The following PARVA variants were observed in gnomAD, a reference collection of about 807,000 sequenced individuals.
PARVA encodes alpha-parvin.
PARVA carries 25 observed loss-of-function variants against 52.6 expected under a neutral mutation model. The ratio of observed to expected loss-of-function variants is 0.48; its 90% CI spans 0.35 to 0.66. The LOEUF is 0.66. Ranked by LOEUF, PARVA falls within the 30% of genes least tolerant of loss-of-function variation. The pLI, the probability that PARVA is intolerant of heterozygous loss-of-function variation, is 0.01. For missense variants in PARVA, 373 were observed against 450.9 expected (o/e 0.83, Z 1.56); for synonymous variants, 185 against 179.1 (o/e 1.03, Z -0.26).
chr11:12,414,584 C>G (rs547424501), intron 1 of PARVA, among the ~76,000 whole-genome samples: 6 of 151,532 alleles, frequency 4.0e-5, no homozygotes, highest in East Asian at 1.9e-4. Context: ...GCACCATGAT[C>G]TGACTTGGTA....
chr11:12,503,882 A>G (rs945979631), intron 5 of PARVA, among the ~76,000 whole-genome samples: 3 of 152,180 alleles, frequency 2.0e-5, no homozygotes, highest in Admixed American at 6.5e-5. Context: ...AGGCTGGGTA[A>G]TTTATAAATA....
At chr11:12,513,646 G>T in intron 9 of PARVA, 1 of 615,908 alleles carries the variant, frequency 1.6e-6, no homozygotes, top group Non-Finnish European at 3.0e-6. Flanking sequence ...TGTCTCCCTG[G>T]CCTAGGCACC....
At chr11:12,527,153 T>C (rs1345026169) in intron 12 of PARVA, among the ~76,000 whole-genome samples, 1 of 152,228 alleles carries the variant, frequency 6.6e-6, no homozygotes, top group African/African-American at 2.4e-5. Flanking sequence ...TACACTAAAC[T>C]TTCCACATGG....
intron 1 of PARVA, among the ~76,000 whole-genome samples, chr11:12,473,218 G>A (rs1940956808): frequency 6.6e-6 from 1 of 152,176 alleles, no homozygotes; most frequent in African/African-American, 2.4e-5. Flanking sequence ...GGCTGGGGTT[G>A]GGTGGAGGTG....
intron 1 of PARVA, among the ~76,000 whole-genome samples, chr11:12,417,410 T>C: frequency 6.6e-6 from 1 of 152,312 alleles, no homozygotes; most frequent in African/African-American, 2.4e-5. Flanking sequence ...TTAAAAACAG[T>C]ATTTATATAT....
At chr11:12,422,108 T>C (rs1225516926) in intron 1 of PARVA, among the ~76,000 whole-genome samples, 1 of 152,258 alleles carries the variant, frequency 6.6e-6, no homozygotes, top group Non-Finnish European at 1.5e-5. Context: ...TTTTCCTAAC[T>C]TAAAATTGTT....
intron 5 of PARVA, among the ~76,000 whole-genome samples, chr11:12,503,881 A>G (rs576580389): frequency 1.3e-5 from 2 of 152,314 alleles, no homozygotes; most frequent in East Asian, 3.9e-4. Flanking sequence ...GAGGCTGGGT[A>G]ATTTATAAAT....
At position 12,527,989 on chromosome 11, in the gene PARVA, G is replaced by T; in HGVS notation, c.*64G>T. On this transcript the variant is annotated 3_prime_UTR_variant, in exon 13 of 13. Coordinates refer to ENST00000334956, the MANE Select transcript of PARVA (RefSeq NM_018222.5). Reference sequence around the variant, plus strand: ...CTGTTGGCGTACTGGACCCTCCTCCGAACTGCCTTACCCTGCTTATTCCTG... The same window carrying T: ...CTGTTGGCGTACTGGACCCTCCTCCTAACTGCCTTACCCTGCTTATTCCTG... The T allele has an allele frequency of 3.5e-6, 4 of 1,140,280 alleles. No individual in the cohort carries two copies. Among genetic ancestry groups the T allele is most frequent in the Non-Finnish European group, 5.3e-6 (4 of 749,168 alleles). 70.6% of individuals were successfully genotyped at this position (1,140,280 alleles called of 1,614,324 possible). A position where few individuals can be genotyped will look rare whatever the true frequency, so the allele number is the denominator to read the frequency against.
chr11:12,487,805 G>A (rs1031446919), intron 4 of PARVA, among the ~76,000 whole-genome samples: 2 of 152,158 alleles, frequency 1.3e-5, no homozygotes, highest in Non-Finnish European at 2.9e-5. Flanking sequence ...GGTAGAGAAC[G>A]ACTGTGTGTG....
chr11:12,502,195 G>A (rs1941371055), intron 5 of PARVA, among the ~76,000 whole-genome samples: 1 of 152,134 alleles, frequency 6.6e-6, no homozygotes, highest in Admixed American at 6.5e-5. Context: ...TTCTGTTTGT[G>A]GTGATGGTGA....
rs1252891423 is a variant in PARVA at position 12,388,721 on chromosome 11, A to T, written c.136+10938A>T. Among the ~76,000 whole-genome samples, 4 of 151,738 alleles carry T rather than the reference A, an allele frequency of 2.6e-5. No individual in the cohort carries two copies. In the East Asian group the frequency reaches 7.7e-4, roughly 29 times the overall value. On this transcript the variant is annotated intron_variant, in intron 1 of 12. Transcript: ENST00000334956. ...TTTTCTTTTTTAGTATTGTGAGTAT[A>T]CTATGTATGTTGTAAAGATAAGTTT...
At chr11:12,488,655 A>G (rs937094547) in intron 4 of PARVA, among the ~76,000 whole-genome samples, 3 of 152,230 alleles carry the variant, frequency 2.0e-5, no homozygotes, top group Non-Finnish European at 4.4e-5. Flanking sequence ...AGGATAAATT[A>G]TCTTAGCCTT....
At chr11:12,453,012 C>T (rs553289578) in intron 1 of PARVA, 26 of 456,404 alleles carry the variant, frequency 5.7e-5, no homozygotes, top group East Asian at 5.6e-4. Flanking sequence ...CCATGGGCTG[C>T]GGGGCACTTT....
chr11:12,395,056 A>C (rs1939718955), intron 1 of PARVA, among the ~76,000 whole-genome samples: 2 of 146,238 alleles, frequency 1.4e-5, no homozygotes, highest in Admixed American at 1.4e-4. Flanking sequence ...AGGCCATTGC[A>C]CTCCAGCCTG....
intron 5 of PARVA, among the ~76,000 whole-genome samples, chr11:12,502,235 C>G (rs941658772): frequency 6.6e-6 from 1 of 152,158 alleles, no homozygotes; most frequent in African/African-American, 2.4e-5. Flanking sequence ...AGAAAACCTT[C>G]TTTGAAGTAG....
chr11:12,399,589 C>T (rs921963277), intron 1 of PARVA, among the ~76,000 whole-genome samples: 2 of 152,246 alleles, frequency 1.3e-5, no homozygotes, highest in Admixed American at 6.5e-5. Context: ...TGATGCTGGT[C>T]TGCAGATCAC....
chr11:12,414,637 A>ATT (rs11403070), intron 1 of PARVA, among the ~76,000 whole-genome samples: 46,200 of 147,102 alleles, frequency 0.31, 7,459 homozygotes, highest in Non-Finnish European at 0.38. Context: ...TGAAAATTTC[A>ATT]TTTTTTTTTT....
chr11:12,446,357 A>T (rs1235234086), intron 1 of PARVA, among the ~76,000 whole-genome samples: 1 of 152,132 alleles, frequency 6.6e-6, no homozygotes. Flanking sequence ...AGACCTACAA[A>T]ATCTAACATG....
intron 1 of PARVA, among the ~76,000 whole-genome samples, chr11:12,419,287 C>A (rs778808386): frequency 2.6e-5 from 4 of 152,110 alleles, no homozygotes; most frequent in Non-Finnish European, 5.9e-5. Flanking sequence ...CCCCACCCCC[C>A]AGGCCCCAGC....
Sources: gnomAD v4.1 joint callset for allele counts (sites outside exome capture counted in the v4.1 genomes callset) on GRCh38, gnomAD v4.1.1 for gene constraint, MANE v1.5 for transcripts, NCBI Gene and HGNC (gene_info 2026-07-23, HGNC 2026-07-21) for gene names.